Variants in DDX60L observed in about 807,000 individuals in gnomAD.
DDX60L encodes DExD/H-box 60 like.
DDX60L carries 191 observed loss-of-function variants against 211.6 expected under a neutral mutation model. That is an observed-to-expected ratio of 0.90 (90% CI 0.80 to 1.02). The LOEUF (loss-of-function observed/expected upper bound fraction) is 1.02, where lower values mean the gene tolerates loss of function less well. Among genes scored for constraint, DDX60L ranks in the 50% least tolerant of loss-of-function variants. The pLI, the probability that DDX60L is intolerant of heterozygous loss-of-function variation, is 0.00. For missense variants in DDX60L, 2,007 were observed against 1,984.1 expected, an observed-to-expected ratio of 1.01 and a Z score of -0.22; for synonymous variants, 706 against 694.1, an observed-to-expected ratio of 1.02 and a Z score of -0.27.
chr4:168,442,004 G>T (rs1305546849), intron 9 of DDX60L, among the ~76,000 whole-genome samples: 3 of 152,142 alleles, frequency 2.0e-5, no homozygotes, highest in Non-Finnish European at 4.4e-5. Context: ...GAGGAGCCAA[G>T]ATGGCCGAAT....
chr4:168,379,486 C>G lies in DDX60L; in HGVS notation c.4240G>C (p.Gly1414Arg), dbSNP rs371784309. The G allele has an allele frequency of 6.3e-7, 1 of 1,577,256 alleles. No homozygotes were observed. The highest frequency in any genetic ancestry group is 8.6e-7 in the Non-Finnish European group (1 of 1,167,944). Residue 1414 changes from glycine to arginine, a missense_variant, in exon 32 of 38, where the codon GGT becomes CGT. Coordinates refer to ENST00000682922, the MANE Select transcript of DDX60L (RefSeq NM_001012967.3). ...AGTCCTGCAAATTTCTTTGGATTAC[C>G]CTTTTTATTTAAATAGTCCTAAAAA... ...LIKEDYLNKK[G>R]NPKKFAGLAS... is the part of the protein sequence containing the mutation.
intron 37 of DDX60L, 71 bp downstream of exon 37, chr4:168,361,078 A>C: frequency 8.8e-7 from 1 of 1,139,152 alleles, no homozygotes; most frequent in East Asian, 2.5e-5. Flanking sequence ...AAACTTACAC[A>C]AAGGAAGAGC....
chr4:168,419,425 A>T (rs1750109990), intron 18 of DDX60L, 28 bp from the exon 19 acceptor site: 11 of 1,497,788 alleles, frequency 7.3e-6, no homozygotes, highest in Non-Finnish European at 9.1e-6. Flanking sequence ...TAGTGTAGCT[A>T]ACTTTATGGA....
Position 168,434,781 on chromosome 4 carries a change from T to A in DDX60L, c.1295-1666A>T, listed in dbSNP as rs2149962196. Among the ~76,000 whole-genome samples, 3 of 152,312 alleles carry A rather than the reference T, an allele frequency of 2.0e-5. 1 individual carries two copies. The highest frequency in any genetic ancestry group is 4.1e-4 in the South Asian group (2 of 4,826). ...TTGATCTGTACAAAAGGAAGAGTTCTAAGGTAAGTGAACAGATGCCTAACT... is the reference window on the plus strand; with the variant it reads ...TTGATCTGTACAAAAGGAAGAGTTCAAAGGTAAGTGAACAGATGCCTAACT... On this transcript the variant is annotated intron_variant, in intron 10 of 37. Transcript: ENST00000682922.
At chr4:168,440,037 C>T (rs1982819) in intron 10 of DDX60L, among the ~76,000 whole-genome samples, 44,726 of 152,098 alleles carry the variant, frequency 0.29, 8,330 homozygotes, top group East Asian at 0.62. Context: ...GCTACCCCCA[C>T]GCACCCATCA....
intron 36 of DDX60L, among the ~76,000 whole-genome samples, chr4:168,371,083 ATTTC>A (rs201815863): frequency 3.8e-4 from 2 of 5,322 alleles, no homozygotes; most frequent in Non-Finnish European, 3.3e-4. Flanking sequence ...AAAAAGATTT[ATTTC>A]ATTAAAAATA....
At chr4:168,457,822 T>C in intron 6 of DDX60L, 70 bp downstream of exon 6, 1 of 926,450 alleles carries the variant, frequency 1.1e-6, no homozygotes, top group Non-Finnish European at 1.6e-6. Flanking sequence ...AGGACTGAAC[T>C]AATCACAAGT....
At position 168,457,989 on chromosome 4, in the gene DDX60L, C is replaced by T. The variant is rs1423473988; in HGVS notation, c.626G>A (p.Ser209Asn). ...GTGTTGTATGAGGCTTTTATATGCA[C>T]TCTGAATCACTGTTTCATTCTGTAA... ...FSKENETVIQ[S>N]AYKSLIQHLE... Residue 209 changes from serine (S) to asparagine (N), a missense_variant, in exon 6 of 38, where the codon AGT becomes AAT. By Grantham distance (46) the Ser-to-Asn change is conservative. Coordinates refer to ENST00000682922, the MANE Select transcript of DDX60L (RefSeq NM_001012967.3). 6.5e-7 allele frequency: 1 copy of T among 1,549,366 alleles called. No individual in the cohort carries two copies. The highest frequency in any genetic ancestry group is 8.8e-7 in the Non-Finnish European group (1 of 1,141,938).
intron 10 of DDX60L, among the ~76,000 whole-genome samples, chr4:168,438,100 C>T (rs567051196): frequency 6.6e-6 from 1 of 152,234 alleles, no homozygotes; most frequent in East Asian, 1.9e-4. Flanking sequence ...GTCTCGATCT[C>T]CTGACCTGGT....
rs200379104 is a variant in DDX60L at position 168,432,561 on chromosome 4, C to G, written c.1410G>C (p.Pro470=). The change falls in exon 12 of 38, where the codon CCG becomes CCC. Residue 470 remains proline (P), a synonymous_variant. Coordinates refer to ENST00000682922, the MANE Select transcript of DDX60L (RefSeq NM_001012967.3). The part of the protein sequence containing the change: ...KDLPILKSDD[P]VVPSLFKQKT... ...TTTGTTTAAACAGTGAAGGAACAACCGGATCATCACTGTAAAAATAAATAC... is the reference window on the plus strand; with the variant it reads ...TTTGTTTAAACAGTGAAGGAACAACGGGATCATCACTGTAAAAATAAATAC... 6.4e-7 allele frequency: 1 copy of G among 1,555,008 alleles called. No homozygotes were observed.
chr4:168,476,200 C>CAA (rs965361627), intron 1 of DDX60L: 5 of 151,790 alleles, frequency 3.3e-5, no homozygotes, highest in African/African-American at 4.8e-5. Flanking sequence ...AATGAAAAAA[C>CAA]AAACACTTAT....
At chr4:168,449,582 A>C (rs2150043499) in intron 8 of DDX60L, among the ~76,000 whole-genome samples, 1 of 126,892 alleles carries the variant, frequency 7.9e-6, no homozygotes, top group East Asian at 2.3e-4. Context: ...AACCTGCACA[A>C]TGTGCACATG....
rs1491083842 is a variant in DDX60L at position 168,386,678 on chromosome 4, ATG to A, written c.3916-1868_3916-1867del. 7.9e-5 allele frequency among the ~76,000 whole-genome samples: 5 copies of A among 63,268 alleles called. No homozygotes were observed. The South Asian group carries it at 2.2e-3, about 28-fold the overall frequency. 41.5% of individuals were successfully genotyped at this position (63,268 alleles called of 152,430 possible). ...AAGTAGCAGATTCAACTAATCCCTG[ATG>A]TTTTTTTAATCAAAGTCACGTCCCC... On this transcript the variant is annotated intron_variant, in intron 29 of 37. Coordinates refer to ENST00000682922, the MANE Select transcript of DDX60L (RefSeq NM_001012967.3).
chr4:168,453,317 T>A, intron 7 of DDX60L, 35 bp from the exon 8 acceptor site: 1 of 1,572,680 alleles, frequency 6.4e-7, no homozygotes, highest in Non-Finnish European at 8.6e-7. Context: ...ACAGTCACAA[T>A]GTCACGCTGT....
At chr4:168,394,988 A>G (rs952799800) in intron 27 of DDX60L, among the ~76,000 whole-genome samples, 4 of 152,182 alleles carry the variant, frequency 2.6e-5, no homozygotes, top group Non-Finnish European at 5.9e-5. Context: ...GCAGAGCGAG[A>G]TCTCTACTCT....
chr4:168,475,471 T>C (rs1206439581), intron 1 of DDX60L, among the ~76,000 whole-genome samples: 7 of 152,196 alleles, frequency 4.6e-5, no homozygotes, highest in East Asian at 1.9e-4. Flanking sequence ...TTATGTTGTG[T>C]TTGTTTTTCA....
intron 22 of DDX60L, among the ~76,000 whole-genome samples, chr4:168,410,626 A>G (rs536049101): frequency 6.6e-6 from 1 of 152,242 alleles, no homozygotes; most frequent in Non-Finnish European, 1.5e-5. Flanking sequence ...TCACAAGGCA[A>G]CTTGAACCTA....
intron 36 of DDX60L, among the ~76,000 whole-genome samples, chr4:168,364,082 T>C (rs534629782): frequency 2.2e-4 from 34 of 152,252 alleles, no homozygotes; most frequent in Non-Finnish European, 3.4e-4. Context: ...ATTGTGCCAC[T>C]GTACTCCAGC....
chr4:168,465,352 T>A (rs2130137), intron 4 of DDX60L, among the ~76,000 whole-genome samples: 71 of 152,238 alleles, frequency 4.7e-4, no homozygotes, highest in African/African-American at 1.7e-3. Context: ...CTTTTTTTTC[T>A]TTTGCTATTG....
Sources: allele counts gnomAD v4.1 joint callset (sites outside exome capture counted in the v4.1 genomes callset), GRCh38; gene constraint gnomAD v4.1.1; transcripts MANE v1.5; gene names NCBI Gene and HGNC (gene_info 2026-07-23, HGNC 2026-07-21).